Variants in MDM1 observed in about 807,000 individuals in gnomAD.
MDM1 encodes stabilizer of axonemal microtubules 6.
In MDM1, 61 loss-of-function variants were observed where a neutral mutation model predicts 89.1. That is an observed-to-expected ratio of 0.68 (90% CI 0.56 to 0.85). MDM1 has a LOEUF of 0.85. MDM1 is among the 40% of genes least tolerant of loss of function. The probability of loss-of-function intolerance (pLI) is 0.00; values close to 1 mark genes in which losing one functional copy is unlikely to be tolerated. For synonymous variants in MDM1, 290 were observed against 294.1 expected (o/e 0.99, Z 0.14); for missense variants, 820 against 846.5 (o/e 0.97, Z 0.39).
intron 7 of MDM1, 141 bp from the exon 8 acceptor site, chr12:68,316,751 T>C: frequency 1.4e-6 from 1 of 705,734 alleles, no homozygotes; most frequent in South Asian, 1.8e-5. Flanking sequence ...TTTTTAGTAA[T>C]TAGTTCAGTA....
chr12:68,298,524 G>T lies in MDM1; in HGVS notation c.2003-1542C>A, dbSNP rs180823634. Among the ~76,000 whole-genome samples, 266 of 152,226 alleles carry T rather than the reference G, an allele frequency of 1.7e-3. 3 individuals carry two copies. Among genetic ancestry groups the T allele is most frequent in the South Asian group, 0.015 (73 of 4,820 alleles). On this transcript the variant is annotated intron_variant, in intron 13 of 14. Coordinates refer to ENST00000682720, the MANE Select transcript of MDM1 (RefSeq NM_001354969.2). ...AGCTGGGACTTCTCCCACAGGACTC[G>T]GTATGAGTGTGCCTATAGACAGCCT...
intron 4 of MDM1, chr12:68,325,233 A>C: frequency 8.5e-7 from 1 of 1,171,340 alleles, no homozygotes; most frequent in Non-Finnish European, 1.1e-6. Context: ...TCTGGCAACA[A>C]TGATCATCAG....
At chr12:68,309,442 ATTAGTT>A (rs1247869600) in intron 12 of MDM1, among the ~76,000 whole-genome samples, 3 of 152,186 alleles carry the variant, frequency 2.0e-5, no homozygotes, top group Non-Finnish European at 4.4e-5. Context: ...TGAAACTCTT[ATTAGTT>A]TTAATTTCAT....
At chr12:68,302,980 ATAT>A in intron 12 of MDM1, 108 bp from the exon 13 acceptor site, 3 of 960,074 alleles carry the variant, frequency 3.1e-6, no homozygotes, top group Non-Finnish European at 4.4e-6. Flanking sequence ...AGAAGGAGAA[ATAT>A]GAGAGAATTT....
chr12:68,317,461 T>C (rs1410606430), intron 7 of MDM1, among the ~76,000 whole-genome samples: 1 of 151,614 alleles, frequency 6.6e-6, no homozygotes, highest in African/African-American at 2.4e-5. Context: ...TGTAGAAACA[T>C]AGCTCCTTAA....
chr12:68,296,236 A>G (rs887660488), intron 14 of MDM1, among the ~76,000 whole-genome samples: 3 of 152,254 alleles, frequency 2.0e-5, no homozygotes, highest in Non-Finnish European at 4.4e-5. Flanking sequence ...ATGGTGGCTC[A>G]CGCCTGTAAT....
chr12:68,307,175 C>G (rs1429781287), intron 12 of MDM1, among the ~76,000 whole-genome samples: 1 of 152,036 alleles, frequency 6.6e-6, no homozygotes, highest in Non-Finnish European at 1.5e-5. Context: ...GAAACAGACA[C>G]CAGCAACTAC....
chr12:68,331,725 C>T (rs1876846902), intron 1 of MDM1, among the ~76,000 whole-genome samples: 1 of 152,162 alleles, frequency 6.6e-6, no homozygotes, highest in Non-Finnish European at 1.5e-5. Context: ...GGGTGCTAGT[C>T]CCTGACAGCT....
chr12:68,296,791 A>T, intron 14 of MDM1, 132 bp downstream of exon 14: 1 of 542,380 alleles, frequency 1.8e-6, no homozygotes, highest in Non-Finnish European at 3.0e-6. Context: ...ACTCCCCCTC[A>T]CAGGGTTTCA....
chr12:68,310,476 G>A (rs186359260), intron 12 of MDM1, among the ~76,000 whole-genome samples: 68 of 152,308 alleles, frequency 4.5e-4, no homozygotes, highest in African/African-American at 1.6e-3. Context: ...AATCAGCTGT[G>A]TGTATACAGT....
chr12:68,331,161 T>G lies in MDM1; in HGVS notation c.79A>C (p.Asn27His). ...WKKSYLSESC[N>H]SSVGRKYPWA... is the part of the protein sequence containing the mutation. ...GGGTACTTTCGCCCCACGGAGGAAT[T>G]ACAAGACTCGGACAAATAAGACTTT... Residue 27 changes from asparagine to histidine, a missense_variant, in exon 2 of 15, where the codon AAT (asparagine) becomes CAT (histidine). Asn to His is a moderately conservative substitution (Grantham distance 68). Transcript: ENST00000682720. The G allele has an allele frequency of 6.2e-7, 1 of 1,612,444 alleles. No homozygotes were observed. Among genetic ancestry groups the G allele is most frequent in the Non-Finnish European group, 8.5e-7 (1 of 1,178,444 alleles).
rs757312225 is a variant in MDM1, at chr12:68,321,447, C to T, written c.906-1G>A. On this transcript the variant is annotated splice_acceptor_variant, in intron 6 of 14. Coordinates refer to ENST00000682720, the MANE Select transcript of MDM1 (RefSeq NM_001354969.2). LOFTEE classifies it high-confidence loss of function. ...TGCTCTATATTCGGAATTCACCTTC[C>T]TAATAGAAATGAAATGAAAGTAAAT... The T allele has an allele frequency of 5.1e-5, 83 of 1,612,722 alleles. No individual in the cohort carries two copies. Among genetic ancestry groups the T allele is most frequent in the Non-Finnish European group, 6.6e-5 (78 of 1,179,396 alleles).
chr12:68,305,143 T>G (rs1214867214), intron 12 of MDM1, among the ~76,000 whole-genome samples: 1 of 152,124 alleles, frequency 6.6e-6, no homozygotes, highest in African/African-American at 2.4e-5. Flanking sequence ...TTTTAGCACA[T>G]AAACAGAATT....
intron 7 of MDM1, 175 bp downstream of exon 7, chr12:68,321,172 T>A (rs1592982436): frequency 2.4e-6 from 1 of 408,764 alleles, no homozygotes; most frequent in Non-Finnish European, 4.3e-6. Flanking sequence ...CCAGTGGCAT[T>A]AAAAAAAATG....
chr12:68,300,229 A>G (rs920586013), intron 13 of MDM1, among the ~76,000 whole-genome samples: 3 of 152,238 alleles, frequency 2.0e-5, no homozygotes, highest in African/African-American at 4.8e-5. Context: ...GCAACAAAAC[A>G]GAACCTCTGA....
chr12:68,324,431 T>A (rs1272560913), intron 4 of MDM1, among the ~76,000 whole-genome samples: 1 of 152,282 alleles, frequency 6.6e-6, no homozygotes, highest in African/African-American at 2.4e-5. Context: ...ACTTTGTTAC[T>A]TCACAGATTC....
At chr12:68,326,592 G>T in intron 3 of MDM1, 65 bp downstream of exon 3, 1 of 1,613,846 alleles carries the variant, frequency 6.2e-7, no homozygotes. Flanking sequence ...TAATATTACA[G>T]AAATGACAAT....
Position 68,321,601 on chromosome 12 carries a change from A to G in MDM1, c.829T>C (p.Leu277=). 6.2e-7 allele frequency: 1 copy of G among 1,611,808 alleles called. No homozygotes were observed. Among genetic ancestry groups the G allele is most frequent in the Non-Finnish European group, 8.5e-7 (1 of 1,179,266 alleles). Residue 277 remains leucine (L), a synonymous_variant, in exon 6 of 15, where the codon TTG becomes CTG. Coordinates refer to ENST00000682720, the MANE Select transcript of MDM1 (RefSeq NM_001354969.2). ...KSNKIDDRLK[L]EAEMELKDLH... ...TCTTTTAATTCCATCTCTGCTTCCA[A>G]TTTTAAACGATCGTCTATTTTATTA...
intron 5 of MDM1, among the ~76,000 whole-genome samples, 154 bp from the exon 6 acceptor site, chr12:68,321,782 AAAG>A (rs1875269209): frequency 6.6e-6 from 1 of 152,206 alleles, no homozygotes; most frequent in Non-Finnish European, 1.5e-5. Flanking sequence ...AGAAATCAAC[AAAG>A]AAGTTTTGAA....
Sources: gnomAD v4.1 joint callset for allele counts (sites outside exome capture counted in the v4.1 genomes callset) on GRCh38, gnomAD v4.1.1 for gene constraint, MANE v1.5 for transcripts, NCBI Gene and HGNC (gene_info 2026-07-23, HGNC 2026-07-21) for gene names.